The following FGF12 variants were observed in gnomAD, a reference collection of about 807,000 sequenced individuals.
FGF12 encodes the protein fibroblast growth factor 12.
A neutral mutation model predicts 23.6 loss-of-function variants in FGF12; 14 were observed. That is an observed-to-expected ratio of 0.59 (90% confidence interval 0.39 to 0.93). The LOEUF (loss-of-function observed/expected upper bound fraction) is 0.93. Ranked by LOEUF, FGF12 falls within the 40% of genes least tolerant of loss-of-function variation. The pLI, the probability that FGF12 is intolerant of heterozygous loss-of-function variation, is 0.00. For missense variants in FGF12, 175 were observed against 217.8 expected (o/e 0.80, Z 1.24); for synonymous variants, 62 against 77.3 (o/e 0.80, Z 1.04).
At chr3:192,551,172 G>C (rs1315138299) in intron 2 of FGF12, among the ~76,000 whole-genome samples, 1 of 152,178 alleles carries the variant, frequency 6.6e-6, no homozygotes, top group Non-Finnish European at 1.5e-5. Flanking sequence ...AAGGGAAAAT[G>C]TAAGTTAACC....
intron 2 of FGF12, among the ~76,000 whole-genome samples, chr3:192,564,188 T>C (rs1013302919): frequency 2.0e-5 from 3 of 152,096 alleles, no homozygotes; most frequent in African/African-American, 7.2e-5. Context: ...CTCAGCCTTC[T>C]GAGTAGCTGG....
chr3:192,378,050 CTT>C (rs751518218), intron 2 of FGF12, among the ~76,000 whole-genome samples: 2 of 99,954 alleles, frequency 2.0e-5, no homozygotes, highest in South Asian at 6.9e-4. Context: ...TTCTTTCTTT[CTT>C]TCTTTCTTTC....
intron 2 of FGF12, among the ~76,000 whole-genome samples, chr3:192,519,043 C>T (rs1209961667): frequency 6.6e-6 from 1 of 152,102 alleles, no homozygotes; most frequent in African/African-American, 2.4e-5. Flanking sequence ...TACCCAATTT[C>T]CCTAATGTTA....
intron 4 of FGF12, among the ~76,000 whole-genome samples, chr3:192,235,671 C>G (rs543767690): frequency 1.3e-5 from 2 of 152,054 alleles, no homozygotes; most frequent in African/African-American, 4.8e-5. Flanking sequence ...TAATAGTCTC[C>G]GGGGAATTTT....
chr3:192,436,619 A>G (rs550229115), intron 2 of FGF12, among the ~76,000 whole-genome samples: 1 of 152,346 alleles, frequency 6.6e-6, no homozygotes, highest in East Asian at 1.9e-4. Context: ...AGGTGTATCC[A>G]GGCTGGACAG....
At chr3:192,659,689 A>T (rs910017446) in intron 2 of FGF12, among the ~76,000 whole-genome samples, 6 of 152,170 alleles carry the variant, frequency 3.9e-5, no homozygotes, top group Non-Finnish European at 8.8e-5. Context: ...GTCAAATGGT[A>T]TTTCTAGTTC....
chr3:192,670,185 G>A (rs1040949844), intron 2 of FGF12, among the ~76,000 whole-genome samples: 11 of 151,900 alleles, frequency 7.2e-5, no homozygotes, highest in Admixed American at 5.2e-4. Flanking sequence ...CTTTTATTAA[G>A]GCAGACATTA....
chr3:192,507,858 T>A (rs1035746954), intron 2 of FGF12, among the ~76,000 whole-genome samples: 1 of 152,216 alleles, frequency 6.6e-6, no homozygotes, highest in Non-Finnish European at 1.5e-5. Flanking sequence ...ATCATCATCA[T>A]CATCATTTTG....
chr3:192,157,819 C>T (rs758830055), intron 5 of FGF12, among the ~76,000 whole-genome samples: 1 of 152,180 alleles, frequency 6.6e-6, no homozygotes, highest in Non-Finnish European at 1.5e-5. Context: ...TCCTATTAAG[C>T]ATTAGTCATC....
chr3:192,602,669 C>T (rs529370485), intron 2 of FGF12, among the ~76,000 whole-genome samples: 8 of 151,206 alleles, frequency 5.3e-5, no homozygotes, highest in South Asian at 2.1e-4. Flanking sequence ...CCCAGGAAAA[C>T]GTTGCTGTTT....
chr3:192,279,230 G>GTATATATATATATATATATATATATA lies in FGF12; in HGVS notation c.228+56130_228+56131insTATATATATATATATATATATATATA, dbSNP rs59504943. Among the ~76,000 whole-genome samples the GTATATATATATATATATATATATATA allele has an allele frequency of 3.6e-3, 479 of 131,702 alleles. 3 individuals carry two copies. Among genetic ancestry groups the GTATATATATATATATATATATATATA allele is most frequent in the African/African-American group, 8.5e-3 (274 of 32,370 alleles). The allele number at this position is 131,702 out of a possible 152,430, so 86.4% of individuals were successfully genotyped here. A position where few individuals can be genotyped will look rare whatever the true frequency, so the allele number is the denominator to read the frequency against. On this transcript the variant is annotated intron_variant, in intron 4 of 5. Transcript: ENST00000445105. ...TAAGTCATGCTTGGTTAATGTATGA[G>GTATATATATATATATATATATATATA]TATATATATATATATATATATATAA...
At chr3:192,694,552 T>C (rs1718047286) in intron 2 of FGF12, among the ~76,000 whole-genome samples, 1 of 152,012 alleles carries the variant, frequency 6.6e-6, no homozygotes, top group African/African-American at 2.4e-5. Context: ...TATATGTGTG[T>C]GTACATATAT....
chr3:192,330,489 G>C (rs1283811420), intron 4 of FGF12, among the ~76,000 whole-genome samples: 1 of 152,126 alleles, frequency 6.6e-6, no homozygotes, highest in East Asian at 1.9e-4. Flanking sequence ...CTCTCAACAA[G>C]TGGTGTTGGA....
At chr3:192,646,668 G>A (rs144250742) in intron 2 of FGF12, among the ~76,000 whole-genome samples, 115 of 152,236 alleles carry the variant, frequency 7.6e-4, no homozygotes, top group Non-Finnish European at 1.3e-3. Context: ...TAGGCAAATC[G>A]TTAGAGACAA....
intron 2 of FGF12, among the ~76,000 whole-genome samples, chr3:192,493,127 GAGTC>G (rs1464287627): frequency 6.6e-6 from 1 of 151,968 alleles, no homozygotes; most frequent in Non-Finnish European, 1.5e-5. Context: ...GAAATATAAA[GAGTC>G]AGAGTATGCC....
intron 2 of FGF12, among the ~76,000 whole-genome samples, chr3:192,424,630 T>C (rs1369367942): frequency 1.3e-5 from 2 of 152,178 alleles, no homozygotes; most frequent in Non-Finnish European, 2.9e-5. Flanking sequence ...AAAACAACTA[T>C]AGTCTAGGGA....
chr3:192,226,410 C>G (rs527620109), intron 4 of FGF12, among the ~76,000 whole-genome samples: 16 of 152,166 alleles, frequency 1.1e-4, no homozygotes, highest in African/African-American at 3.4e-4. Context: ...ATGCTGAGAT[C>G]CTTAAAATAA....
rs1719238780 is a variant in FGF12 at position 192,726,988 on chromosome 3, CT to C, written c.13+192del. On this transcript the variant is annotated intron_variant, in intron 2 of 5. Coordinates refer to ENST00000445105, the MANE Select transcript of FGF12 (RefSeq NM_004113.6). ...CAACTGATGGAGTATTAAACACTGTCTTCCAAGCTGTGGGAGTTAAAAAGAA... is the reference window on the plus strand; with the variant it reads ...CAACTGATGGAGTATTAAACACTGTCTCCAAGCTGTGGGAGTTAAAAAGAA... The C allele has an allele frequency of 8.8e-6, 6 of 679,990 alleles. No homozygotes were observed. The East Asian group carries it at 1.6e-4, about 18-fold the overall frequency. 42.1% of individuals were successfully genotyped at this position (679,990 alleles called of 1,614,324 possible).
intron 3 of FGF12, among the ~76,000 whole-genome samples, chr3:192,348,523 T>C (rs1718066745): frequency 6.6e-6 from 1 of 152,152 alleles, no homozygotes; most frequent in South Asian, 2.1e-4. Context: ...AGAAAAATCC[T>C]TGCAAGTTCA....
Sources: allele counts gnomAD v4.1 joint callset (sites outside exome capture counted in the v4.1 genomes callset), GRCh38; gene constraint gnomAD v4.1.1; transcripts MANE v1.5; gene names NCBI Gene and HGNC (gene_info 2026-07-23, HGNC 2026-07-21).